SNRPE: variants seen among roughly 807,000 people sequenced by gnomAD.
The protein encoded by SNRPE is small nuclear ribonucleoprotein E.
For missense variants in SNRPE, 53 were observed against 111.6 expected, an observed-to-expected ratio of 0.48 and a Z score of 2.36; for synonymous variants, 35 against 36.7, an observed-to-expected ratio of 0.95 and a Z score of 0.17.
At position 203,864,862 on chromosome 1, in the gene SNRPE, G is replaced by C. The variant is rs544315256; in HGVS notation, c.145-179G>C. ...ACTGCACTCTAGCCTGGAAGACAAAGTGAGATCCTTTCTCAAAAAAAAAAA... is the reference window on the plus strand; with the variant it reads ...ACTGCACTCTAGCCTGGAAGACAAACTGAGATCCTTTCTCAAAAAAAAAAA... On this transcript the variant is annotated intron_variant, in intron 3 of 4. Transcript: ENST00000414487. Among the ~76,000 whole-genome samples the C allele has an allele frequency of 1.0e-4, 12 of 119,494 alleles. No homozygotes were observed. The South Asian group carries it at 3.5e-3, about 35-fold the overall frequency. The allele number at this position is 119,494 out of a possible 152,430, so 78.4% of individuals were successfully genotyped here. A position where few individuals can be genotyped will look rare whatever the true frequency, so the allele number is the denominator to read the frequency against.
At chr1:203,861,874 TG>T in intron 1 of SNRPE, 161 bp downstream of exon 1, 1 of 680,388 alleles carries the variant, frequency 1.5e-6, no homozygotes, top group South Asian at 1.7e-5. Context: ...TGAACCGTGA[TG>T]GTGGGGAGGT....
At chr1:203,862,160 T>A (rs1368548346) in intron 1 of SNRPE, 36 bp from the exon 2 acceptor site, 1 of 1,574,526 alleles carries the variant, frequency 6.4e-7, no homozygotes, top group African/African-American at 1.3e-5. Context: ...GAGTCTATGC[T>A]GCTTTTGTAT....
rs998300276 is a variant in SNRPE, at chr1:203,862,053, C to A, written c.55-143C>A. ...GTCTTTAGAAGACCCGTAACGAATG[C>A]CCAGCTGGGCACTTGTTGTTTGCGT... On this transcript the variant is annotated intron_variant, in intron 1 of 4. Coordinates refer to ENST00000414487, the MANE Select transcript of SNRPE (RefSeq NM_003094.4). The A allele has an allele frequency of 4.4e-6, 3 of 689,376 alleles. No homozygotes were observed. The Admixed American group carries it at 7.4e-5, about 17-fold the overall frequency. 42.7% of individuals were successfully genotyped at this position (689,376 alleles called of 1,614,324 possible). A position where few individuals can be genotyped will look rare whatever the true frequency, so the allele number is the denominator to read the frequency against.
In SNRPE at chr1:203,862,200, T is replaced by G; in HGVS notation, c.59T>G (p.Leu20Arg). The change falls in exon 2 of 5, where the codon CTC becomes CGC. Residue 20 changes from leucine (L) to arginine (R), a missense_variant. Coordinates refer to ENST00000414487, the MANE Select transcript of SNRPE (RefSeq NM_003094.4). Reference protein sequence around the residue: ...VQKVMVQPINLIFRYLQNRSR... With the variant: ...VQKVMVQPINRIFRYLQNRSR... ...TCCTTAGCCACTGTGGTGCAGAACCTCATCTTCAGATACTTACAAAATGTA... is the reference window on the plus strand; with the variant it reads ...TCCTTAGCCACTGTGGTGCAGAACCGCATCTTCAGATACTTACAAAATGTA... The G allele has an allele frequency of 1.2e-6, 2 of 1,610,724 alleles. No individual in the cohort carries two copies. The highest frequency in any genetic ancestry group is 1.7e-6 in the Non-Finnish European group (2 of 1,176,900).
intron 4 of SNRPE, among the ~76,000 whole-genome samples, chr1:203,867,357 G>A (rs922777565): frequency 1.1e-4 from 17 of 151,914 alleles, no homozygotes; most frequent in Admixed American, 1.1e-3. Context: ...TTTTTCTGTG[G>A]ACTGGGGTGT....
chr1:203,862,122 T>TAG (rs1689990244), intron 1 of SNRPE, 74 bp from the exon 2 acceptor site: 1 of 1,171,526 alleles, frequency 8.5e-7, no homozygotes, highest in Non-Finnish European at 1.3e-6. Context: ...GAGACGGGAA[T>TAG]AGCGTCGTCC....
At chr1:203,863,004 A>C (rs1236405492) in intron 2 of SNRPE, among the ~76,000 whole-genome samples, 1 of 152,188 alleles carries the variant, frequency 6.6e-6, no homozygotes, top group African/African-American at 2.4e-5. Flanking sequence ...TTATTAGCTT[A>C]TACAGTTCCA....
chr1:203,861,817 C>T, intron 1 of SNRPE, 104 bp downstream of exon 1: 1 of 863,416 alleles, frequency 1.2e-6, no homozygotes, highest in South Asian at 1.3e-5. Context: ...GGATCCACAT[C>T]CCATGAGCCC....
At chr1:203,867,361 G>T (rs1257490740) in intron 4 of SNRPE, among the ~76,000 whole-genome samples, 1 of 151,916 alleles carries the variant, frequency 6.6e-6, no homozygotes. Flanking sequence ...TCTGTGGACT[G>T]GGGTGTGGGG....
In SNRPE at chr1:203,869,890, A is replaced by C; in HGVS notation, c.237A>C (p.Leu79=). 1 of 1,606,466 alleles carries C rather than the reference A, an allele frequency of 6.2e-7. No individual in the cohort carries two copies. Among genetic ancestry groups the C allele is most frequent in the Non-Finnish European group, 8.5e-7 (1 of 1,175,938 alleles). The change falls in exon 5 of 5, where the codon CTA becomes CTC. Residue 79 remains leucine (L), a synonymous_variant. Coordinates refer to ENST00000414487, the MANE Select transcript of SNRPE (RefSeq NM_003094.4). ...TTTGTGTTGCAGGTCGGATCATGCT[A>C]AAAGGAGATAATATTACTCTGCTAC... is the stretch of plus-strand genomic sequence containing the variant. The part of the protein sequence containing the change: ...KSRKQLGRIM[L]KGDNITLLQS...
At chr1:203,866,503 C>T (rs533650820) in intron 4 of SNRPE, among the ~76,000 whole-genome samples, 1 of 152,324 alleles carries the variant, frequency 6.6e-6, no homozygotes, top group South Asian at 2.1e-4. Context: ...ACCATTTCTA[C>T]TTGAATGTTT....
Position 203,861,658 on chromosome 1 carries a change from C to G in SNRPE, c.-2C>G. 1 of 1,612,138 alleles carries G rather than the reference C, an allele frequency of 6.2e-7. No individual in the cohort carries two copies. The highest frequency in any genetic ancestry group is 8.5e-7 in the Non-Finnish European group (1 of 1,178,172). ...CGGGTGTGCTCTTTGTGAAATTCCA[C>G]CATGGCGTACCGTGGCCAGGGTCAG... On this transcript the variant is annotated 5_prime_UTR_variant, in exon 1 of 5. Coordinates refer to ENST00000414487, the MANE Select transcript of SNRPE (RefSeq NM_003094.4).
At position 203,869,862 on chromosome 1, in the gene SNRPE, GT is replaced by G; in HGVS notation, c.224-10del. 2 of 1,594,004 alleles carry G rather than the reference GT, an allele frequency of 1.3e-6. No individual in the cohort carries two copies. The highest frequency in any genetic ancestry group is 1.1e-5 in the South Asian group (1 of 88,086). ...GTGTGGCTATTAATAGCTTTTTGTT[GT>G]TTTTGTGTTGCAGGTCGGATCATGC... On this transcript the variant is annotated splice_polypyrimidine_tract_variant and intron_variant, in intron 4 of 4. Coordinates refer to ENST00000414487, the MANE Select transcript of SNRPE (RefSeq NM_003094.4).
At chr1:203,865,883 C>T (rs1014605115) in intron 4 of SNRPE, among the ~76,000 whole-genome samples, 6 of 152,188 alleles carry the variant, frequency 3.9e-5, no homozygotes, top group Non-Finnish European at 2.9e-5. Context: ...TGAAGAGATG[C>T]GTAGGGCAAG....
At chr1:203,862,283 T>C in intron 2 of SNRPE, 61 bp downstream of exon 2, 1 of 1,219,376 alleles carries the variant, frequency 8.2e-7, no homozygotes, top group South Asian at 1.2e-5. Context: ...ATTTAGTTTT[T>C]TGTGTTAACC....
chr1:203,869,842 G>T (rs1351617467), intron 4 of SNRPE, 35 bp from the exon 5 acceptor site: 1 of 1,480,084 alleles, frequency 6.8e-7, no homozygotes, highest in Non-Finnish European at 9.3e-7. Context: ...TGAGTGTGTG[G>T]CTATTAATAG....
chr1:203,862,346 G>A (rs985003062), intron 2 of SNRPE, 124 bp downstream of exon 2: 1 of 713,712 alleles, frequency 1.4e-6, no homozygotes, highest in Non-Finnish European at 2.5e-6. Context: ...GGAGATTGGA[G>A]GGTAATTGAG....
Position 203,869,935 on chromosome 1 carries a change from A to G in SNRPE, c.*3A>G, listed in dbSNP as rs1558159871. 1 of 1,573,632 alleles carries G rather than the reference A, an allele frequency of 6.4e-7. No individual in the cohort carries two copies. Among genetic ancestry groups the G allele is most frequent in the East Asian group, 2.2e-5 (1 of 44,474 alleles). ...TGCTACAAAGTGTCTCCAACTAGAA[A>G]TGATCAATGAAGTGAGAAATTGTTG... On this transcript the variant is annotated 3_prime_UTR_variant, in exon 5 of 5. Transcript: ENST00000414487.
At chr1:203,862,685 G>C (rs896507572) in intron 2 of SNRPE, among the ~76,000 whole-genome samples, 1 of 152,176 alleles carries the variant, frequency 6.6e-6, no homozygotes, top group Non-Finnish European at 1.5e-5. Flanking sequence ...TAGCTTCAGA[G>C]GAGTTTAGTG....
Sources: gnomAD v4.1 joint callset for allele counts (sites outside exome capture counted in the v4.1 genomes callset) on GRCh38, gnomAD v4.1.1 for gene constraint, MANE v1.5 for transcripts, NCBI Gene and HGNC (gene_info 2026-07-23, HGNC 2026-07-21) for gene names.